SEMA5A: variants seen among roughly 807,000 people sequenced by gnomAD.
SEMA5A encodes the protein semaphorin 5A.
In SEMA5A, 55 loss-of-function variants were observed where a neutral mutation model predicts 135.5. That is an observed-to-expected ratio of 0.41 (90% CI 0.33 to 0.51). SEMA5A has a LOEUF of 0.51. Among genes scored for constraint, SEMA5A ranks in the 20% least tolerant of loss-of-function variants. The pLI is 0.37. For synonymous variants in SEMA5A, 580 were observed against 546.5 expected, an observed-to-expected ratio of 1.06 and a Z score of -0.85; for missense variants, 1,290 against 1,419.9, an observed-to-expected ratio of 0.91 and a Z score of 1.47.
At chr5:9,350,351 T>C (rs1009210538) in intron 3 of SEMA5A, among the ~76,000 whole-genome samples, 1 of 152,222 alleles carries the variant, frequency 6.6e-6, no homozygotes, top group African/African-American at 2.4e-5. Flanking sequence ...ATGGGTTGAC[T>C]CAGCAGGTCT....
chr5:9,194,462 T>C (rs1041016183), intron 10 of SEMA5A, among the ~76,000 whole-genome samples: 15 of 152,190 alleles, frequency 9.9e-5, no homozygotes, highest in Non-Finnish European at 2.1e-4. Context: ...ATCTAACCAC[T>C]TTCCATTGTT....
At chr5:9,453,799 G>A (rs755620286) in intron 1 of SEMA5A, among the ~76,000 whole-genome samples, 5 of 152,072 alleles carry the variant, frequency 3.3e-5, no homozygotes, top group Non-Finnish European at 5.9e-5. Flanking sequence ...ATGATAAGAA[G>A]AAAAGACGTA....
At chr5:9,402,463 G>A (rs1256698089) in intron 2 of SEMA5A, among the ~76,000 whole-genome samples, 8 of 152,052 alleles carry the variant, frequency 5.3e-5, no homozygotes, top group Admixed American at 6.6e-5. Flanking sequence ...ACTAATCTTC[G>A]GTAATTCTCT....
At chr5:9,258,799 C>CT (rs1226132633) in intron 5 of SEMA5A, among the ~76,000 whole-genome samples, 2 of 58,292 alleles carry the variant, frequency 3.4e-5, no homozygotes, top group African/African-American at 1.3e-4. Context: ...TTTCTTCTTT[C>CT]TTTCTTTTTT....
chr5:9,507,918 G>A (rs1486942865), intron 1 of SEMA5A, among the ~76,000 whole-genome samples: 4 of 151,448 alleles, frequency 2.6e-5, no homozygotes, highest in African/African-American at 4.9e-5. Context: ...GCAGGAGAAT[G>A]ACATGAACCC....
chr5:9,265,400 T>C (rs1342527850), intron 5 of SEMA5A: 1 of 456,104 alleles, frequency 2.2e-6, no homozygotes, highest in South Asian at 1.5e-5. Context: ...AACAAGTCAA[T>C]CCCATCCTTC....
At chr5:9,147,736 A>C (rs1056679759) in intron 12 of SEMA5A, among the ~76,000 whole-genome samples, 6 of 151,714 alleles carry the variant, frequency 4.0e-5, no homozygotes, top group African/African-American at 1.5e-4. Flanking sequence ...AAAAAAAAAA[A>C]AAAAAACCCA....
chr5:9,544,830 G>A (rs961311151), intron 1 of SEMA5A, among the ~76,000 whole-genome samples: 12 of 152,160 alleles, frequency 7.9e-5, no homozygotes, highest in Non-Finnish European at 1.3e-4. Context: ...GCGAGCCGGG[G>A]GAATCACTCC....
At chr5:9,433,817 A>T (rs968460442) in intron 2 of SEMA5A, among the ~76,000 whole-genome samples, 4 of 152,348 alleles carry the variant, frequency 2.6e-5, no homozygotes, top group Admixed American at 1.3e-4. Flanking sequence ...TCTCCAGCAT[A>T]TAAATGAAGT....
intron 1 of SEMA5A, among the ~76,000 whole-genome samples, chr5:9,490,431 A>C (rs1215190674): frequency 6.6e-6 from 1 of 152,042 alleles, no homozygotes; most frequent in African/African-American, 2.4e-5. Context: ...AGGATCCATT[A>C]TTTTTCTCCG....
intron 4 of SEMA5A, among the ~76,000 whole-genome samples, chr5:9,336,573 C>T (rs565026021): frequency 5.9e-5 from 9 of 152,254 alleles, no homozygotes; most frequent in South Asian, 2.1e-4. Flanking sequence ...CCATACTCAC[C>T]GCCTCCTCAC....
chr5:9,456,569 C>T (rs1758843901), intron 1 of SEMA5A, among the ~76,000 whole-genome samples: 1 of 152,152 alleles, frequency 6.6e-6, no homozygotes, highest in Non-Finnish European at 1.5e-5. Flanking sequence ...GTGTCATGGC[C>T]TCAGACTCCC....
chr5:9,329,420 CTG>C (rs973677516), intron 4 of SEMA5A, among the ~76,000 whole-genome samples: 1 of 152,200 alleles, frequency 6.6e-6, no homozygotes, highest in African/African-American at 2.4e-5. Context: ...GGAGGCAACT[CTG>C]GGGCCCCAGC....
intron 21 of SEMA5A, among the ~76,000 whole-genome samples, chr5:9,046,696 G>T (rs1579296463): frequency 1.3e-5 from 2 of 152,136 alleles, no homozygotes; most frequent in Non-Finnish European, 2.9e-5. Context: ...CCTAAACCCT[G>T]AACTTTTCCC....
Position 9,052,032 on chromosome 5 carries a change from C to T in SEMA5A, c.2690-4G>A. 1 of 1,588,834 alleles carries T rather than the reference C, an allele frequency of 6.3e-7. No homozygotes were observed. On this transcript the variant is annotated splice_region_variant and splice_polypyrimidine_tract_variant and intron_variant, in intron 19 of 22. Transcript: ENST00000382496. ...TCCGACCACTCCGACCAGCTCTCTG[C>T]AGAGACCAGAAAAGGGGAGATGGGG...
At chr5:9,177,687 T>G (rs918306448) in intron 11 of SEMA5A, among the ~76,000 whole-genome samples, 1 of 152,202 alleles carries the variant, frequency 6.6e-6, no homozygotes, top group Non-Finnish European at 1.5e-5. Flanking sequence ...TCCTAGGAGA[T>G]GCAGGCCTGG....
intron 8 of SEMA5A, among the ~76,000 whole-genome samples, chr5:9,206,624 TAGGTTC>T (rs897541108): frequency 2.6e-5 from 4 of 152,086 alleles, no homozygotes; most frequent in African/African-American, 9.7e-5. Context: ...AGATCTTTAA[TAGGTTC>T]TTGATATAAA....
chr5:9,446,401 T>G (rs1180289213), intron 1 of SEMA5A, among the ~76,000 whole-genome samples: 2 of 152,132 alleles, frequency 1.3e-5, no homozygotes, highest in Non-Finnish European at 2.9e-5. Context: ...AAATGAGCAA[T>G]TTCTGTTATG....
At chr5:9,347,329 G>A (rs1051812149) in intron 3 of SEMA5A, among the ~76,000 whole-genome samples, 1 of 152,146 alleles carries the variant, frequency 6.6e-6, no homozygotes, top group African/African-American at 2.4e-5. Context: ...TTTCTCACAT[G>A]TTCATTGTAG....
Sources: allele counts gnomAD v4.1 joint callset (sites outside exome capture counted in the v4.1 genomes callset), GRCh38; gene constraint gnomAD v4.1.1; transcripts MANE v1.5; gene names NCBI Gene and HGNC (gene_info 2026-07-23, HGNC 2026-07-21).